Variants in RGS20 observed in about 807,000 individuals in gnomAD.
RGS20 encodes the protein gz-selective GTPase-activating protein.
RGS20 carries 30 observed loss-of-function variants against 33.6 expected under a neutral mutation model. The observed-to-expected ratio is 0.89, with a 90% confidence interval of 0.67 to 1.21. The LOEUF is 1.21. Among genes scored for constraint, RGS20 ranks in the 50% most tolerant of loss-of-function variants. The probability of loss-of-function intolerance (pLI) is 0.00; values close to 1 mark genes in which losing one functional copy is unlikely to be tolerated. For missense variants in RGS20, 472 were observed against 502.4 expected, an observed-to-expected ratio of 0.94 and a Z score of 0.58; for synonymous variants, 208 against 197.9, an observed-to-expected ratio of 1.05 and a Z score of -0.43.
At chr8:53,936,748 A>C (rs1027122231) in intron 2 of RGS20, among the ~76,000 whole-genome samples, 1 of 152,208 alleles carries the variant, frequency 6.6e-6, no homozygotes, top group Non-Finnish European at 1.5e-5. Flanking sequence ...AAACTACTTT[A>C]AATTTCATAT....
At chr8:53,927,228 T>A (rs968444215) in intron 2 of RGS20, among the ~76,000 whole-genome samples, 1 of 141,894 alleles carries the variant, frequency 7.0e-6, no homozygotes, top group Non-Finnish European at 1.5e-5. Flanking sequence ...TGAGACAAGG[T>A]CTCACTCAGT....
chr8:53,928,868 A>G (rs1813875617), intron 2 of RGS20, among the ~76,000 whole-genome samples: 1 of 152,140 alleles, frequency 6.6e-6, no homozygotes, highest in Admixed American at 6.5e-5. Flanking sequence ...ACAATGTCTT[A>G]TATATCTAAA....
At chr8:53,930,348 C>G (rs1460317995) in intron 2 of RGS20, among the ~76,000 whole-genome samples, 1 of 152,080 alleles carries the variant, frequency 6.6e-6, no homozygotes, top group African/African-American at 2.4e-5. Flanking sequence ...CAGGAGTAAA[C>G]CTATCAAAAA....
intron 2 of RGS20, 100 bp from the exon 1 acceptor site, chr8:53,880,772 A>C: frequency 1.5e-5 from 16 of 1,032,930 alleles, no homozygotes; most frequent in African/African-American, 1.7e-5. Context: ...CCTCGGGGGT[A>C]CCCCTAGCAC....
chr8:53,919,826 G>T (rs929384809), intron 2 of RGS20, among the ~76,000 whole-genome samples: 3 of 152,004 alleles, frequency 2.0e-5, no homozygotes, highest in African/African-American at 7.2e-5. Context: ...GAGGAATGTT[G>T]CCATCCTAAC....
intron 1 of RGS20, chr8:53,879,123 T>C: frequency 2.8e-6 from 2 of 715,098 alleles, no homozygotes; most frequent in Admixed American, 4.5e-5. Context: ...ACTATAGGCC[T>C]TTCCTTCTGC....
At chr8:53,887,774 C>G (rs1812591416) in intron 2 of RGS20, among the ~76,000 whole-genome samples, 1 of 152,016 alleles carries the variant, frequency 6.6e-6, no homozygotes, top group South Asian at 2.1e-4. Flanking sequence ...CCCAGGAGTT[C>G]CAGACCAGCC....
At chr8:53,895,391 C>T (rs1306868570) in intron 2 of RGS20, among the ~76,000 whole-genome samples, 1 of 152,120 alleles carries the variant, frequency 6.6e-6, no homozygotes, top group Non-Finnish European at 1.5e-5. Flanking sequence ...AATGTGGATT[C>T]GTTAGGCTCT....
At chr8:53,932,420 G>C (rs1458712698) in intron 2 of RGS20, among the ~76,000 whole-genome samples, 1 of 152,174 alleles carries the variant, frequency 6.6e-6, no homozygotes, top group African/African-American at 2.4e-5. Flanking sequence ...AGTTGACCTG[G>C]GATGCTTAAG....
chr8:53,916,507 G>A (rs2129285139), intron 2 of RGS20, among the ~76,000 whole-genome samples: 1 of 152,286 alleles, frequency 6.6e-6, no homozygotes, highest in African/African-American at 2.4e-5. Flanking sequence ...TATCTCAGAG[G>A]AAGATATTAT....
chr8:53,918,103 C>T (rs910250324), intron 2 of RGS20, among the ~76,000 whole-genome samples: 1 of 152,126 alleles, frequency 6.6e-6, no homozygotes, highest in African/African-American at 2.4e-5. Context: ...AATCATACAC[C>T]GTAAGGCTCA....
intron 4 of RGS20, among the ~76,000 whole-genome samples, chr8:53,947,503 T>C (rs1814541103): frequency 7.2e-6 from 1 of 139,428 alleles, no homozygotes. Flanking sequence ...ATATAGGATA[T>C]AGTATATACA....
chr8:53,909,357 C>T (rs1445149827), intron 2 of RGS20, among the ~76,000 whole-genome samples: 1 of 150,552 alleles, frequency 6.6e-6, no homozygotes, highest in Non-Finnish European at 1.5e-5. Context: ...TCCAGCAATC[C>T]TCCAGCCTCA....
At chr8:53,924,026 CTT>C (rs563507412) in intron 2 of RGS20, among the ~76,000 whole-genome samples, 2 of 146,288 alleles carry the variant, frequency 1.4e-5, no homozygotes, top group Admixed American at 6.9e-5. Context: ...TTTGCAAATA[CTT>C]TTTTTTTTTG....
At chr8:53,949,864 G>A (rs938433674) in intron 4 of RGS20, among the ~76,000 whole-genome samples, 5 of 149,932 alleles carry the variant, frequency 3.3e-5, no homozygotes, top group African/African-American at 1.2e-4. Flanking sequence ...TTTTGAGATG[G>A]AGTCTAGCTC....
chr8:53,860,063 A>G (rs186834774), intron 1 of RGS20, among the ~76,000 whole-genome samples: 1 of 152,322 alleles, frequency 6.6e-6, no homozygotes, highest in East Asian at 1.9e-4. Flanking sequence ...AGAAAAGGTG[A>G]TCCAAATCAA....
chr8:53,885,613 CA>C (rs113602235), intron 2 of RGS20, among the ~76,000 whole-genome samples: 39 of 142,690 alleles, frequency 2.7e-4, no homozygotes, highest in Admixed American at 8.4e-4. Flanking sequence ...GACTCCGTCT[CA>C]AAAAAAAAAA....
intron 2 of RGS20, among the ~76,000 whole-genome samples, chr8:53,922,996 T>C (rs887488016): frequency 9.9e-5 from 15 of 151,926 alleles, no homozygotes; most frequent in African/African-American, 2.4e-5. Context: ...ATAATGCTTA[T>C]AATACCTTAA....
At chr8:53,880,694 G>C (rs1194037812) in intron 2 of RGS20, among the ~76,000 whole-genome samples, 178 bp from the exon 1 acceptor site, 1 of 152,078 alleles carries the variant, frequency 6.6e-6, no homozygotes, top group Non-Finnish European at 1.5e-5. Flanking sequence ...CCACACTCTT[G>C]GGACTTGCTA....
Sources: gnomAD v4.1 joint callset for allele counts (sites outside exome capture counted in the v4.1 genomes callset) on GRCh38, gnomAD v4.1.1 for gene constraint, MANE v1.5 for transcripts, NCBI Gene and HGNC (gene_info 2026-07-23, HGNC 2026-07-21) for gene names.